The following ZNF670 variants were observed in gnomAD, a reference collection of about 807,000 sequenced individuals.
ZNF670 encodes the protein zinc finger protein 670.
In ZNF670, 7 loss-of-function variants were observed where a neutral mutation model predicts 10.9. The ratio of observed to expected loss-of-function variants is 0.64; its 90% CI spans 0.36 to 1.20. ZNF670 has a LOEUF of 1.20. Ranked by LOEUF, ZNF670 falls within the 50% of genes most tolerant of loss-of-function variation. The pLI, the probability that ZNF670 is intolerant of heterozygous loss-of-function variation, is 0.02. For missense variants in ZNF670, 446 were observed against 458.6 expected, an observed-to-expected ratio of 0.97 and a Z score of 0.25; for synonymous variants, 136 against 152.7, an observed-to-expected ratio of 0.89 and a Z score of 0.81.
chr1:247,064,248 C>A (rs1416767090), intron 1 of ZNF670, among the ~76,000 whole-genome samples: 1 of 152,220 alleles, frequency 6.6e-6, no homozygotes, highest in African/African-American at 2.4e-5. Flanking sequence ...CCTCCTTGAT[C>A]AGAGGACATG....
chr1:247,051,069 G>A (rs1451690301), intron 1 of ZNF670, among the ~76,000 whole-genome samples: 1 of 151,728 alleles, frequency 6.6e-6, no homozygotes, highest in Non-Finnish European at 1.5e-5. Context: ...AGCACTTTGG[G>A]AGGCCGAGGC....
chr1:247,039,591 G>A, intron 1 of ZNF670, 54 bp from the exon 2 acceptor site: 2 of 1,454,448 alleles, frequency 1.4e-6, no homozygotes, highest in Non-Finnish European at 1.8e-6. Context: ...ACAGTACTAA[G>A]AATCTATACT....
At chr1:247,052,772 T>C (rs1288287894) in intron 1 of ZNF670, among the ~76,000 whole-genome samples, 2 of 152,088 alleles carry the variant, frequency 1.3e-5, no homozygotes, top group African/African-American at 4.8e-5. Context: ...GCTGCAGTAA[T>C]ATAGGGGGAT....
Position 247,036,839 on chromosome 1 carries a change from C to CA in ZNF670, c.*609dup, listed in dbSNP as rs1197267140. 6.8e-6 allele frequency: 1 copy of CA among 146,992 alleles called. No individual in the cohort carries two copies. Among genetic ancestry groups the CA allele is most frequent in the Non-Finnish European group, 1.5e-5 (1 of 66,744 alleles). 9.1% of individuals were successfully genotyped at this position (146,992 alleles called of 1,614,324 possible). A position where few individuals can be genotyped will look rare whatever the true frequency, so the allele number is the denominator to read the frequency against. On this transcript the variant is annotated 3_prime_UTR_variant, in exon 4 of 4. Transcript: ENST00000366503. The stretch of plus-strand genomic sequence containing the variant: ...AGAAAACAGAAGAAAATCTTTACAA[C>CA]AAAAAAGTAGTTTTCCCATAAAAAG...
intron 1 of ZNF670, among the ~76,000 whole-genome samples, chr1:247,057,267 T>A (rs1186767794): frequency 6.6e-6 from 1 of 152,164 alleles, no homozygotes; most frequent in Non-Finnish European, 1.5e-5. Flanking sequence ...GTATCACTGA[T>A]CATCAGAGAA....
intron 1 of ZNF670, among the ~76,000 whole-genome samples, chr1:247,065,564 T>C (rs1670961542): frequency 1.3e-5 from 2 of 152,200 alleles, no homozygotes; most frequent in East Asian, 3.8e-4. Flanking sequence ...AAAAATATAT[T>C]TGCAGTCTTT....
chr1:247,047,241 G>A (rs1424570383), intron 1 of ZNF670, among the ~76,000 whole-genome samples: 2 of 152,206 alleles, frequency 1.3e-5, no homozygotes, highest in Admixed American at 1.3e-4. Flanking sequence ...AGCTTTGTGT[G>A]GGAATTCCAA....
intron 1 of ZNF670, among the ~76,000 whole-genome samples, chr1:247,068,858 T>C: frequency 7.3e-6 from 1 of 136,568 alleles, no homozygotes; most frequent in African/African-American, 2.9e-5. Context: ...AAGAATGAGA[T>C]CCAGTCGTTT....
At chr1:247,071,433 G>C (rs532717093) in intron 1 of ZNF670, among the ~76,000 whole-genome samples, 17 of 152,332 alleles carry the variant, frequency 1.1e-4, no homozygotes, top group African/African-American at 4.1e-4. Flanking sequence ...AGTACACACA[G>C]ACACAAAGAG....
In ZNF670 at chr1:247,069,999, G is replaced by T. The variant is rs1671078531; in HGVS notation, c.3+8595C>A. On this transcript the variant is annotated intron_variant, in intron 1 of 3. Coordinates refer to ENST00000366503, the MANE Select transcript of ZNF670 (RefSeq NM_033213.5). ...ACTTTAAAGCAACTAAGTATAATTG[G>T]ATTATTTGTAATACAAAGGGTAAAT... is the stretch of plus-strand genomic sequence containing the variant. Among the ~76,000 whole-genome samples the T allele has an allele frequency of 4.6e-5, 7 of 152,082 alleles. No homozygotes were observed. The South Asian group carries it at 1.4e-3, about 32-fold the overall frequency.
intron 1 of ZNF670, among the ~76,000 whole-genome samples, chr1:247,076,177 TCA>T (rs1158031014): frequency 6.6e-6 from 1 of 151,842 alleles, no homozygotes; most frequent in Non-Finnish European, 1.5e-5. Flanking sequence ...TTGGAGATCC[TCA>T]CAGGCCCATT....
chr1:247,038,890 G>C lies in ZNF670; in HGVS notation c.131-20C>G. 6.3e-7 allele frequency: 1 copy of C among 1,593,068 alleles called. No individual in the cohort carries two copies. Among genetic ancestry groups the C allele is most frequent in the South Asian group, 1.1e-5 (1 of 89,770 alleles). ...TGTTTCCTAAAAGGTACAACCATAA[G>C]ATTATTCAAATGATTAGAAACTTTA... On this transcript the variant is annotated intron_variant, in intron 2 of 3. Coordinates refer to ENST00000366503, the MANE Select transcript of ZNF670 (RefSeq NM_033213.5).
rs545681456 is a variant in ZNF670 at position 247,040,833 on chromosome 1, T to C, written c.4-1296A>G. ...GCCTCAGCCTCCCGAGTAGCTGAGA[T>C]TACAGGCATGTGTCACCACGCCCAG... is the stretch of plus-strand genomic sequence containing the variant. On this transcript the variant is annotated intron_variant, in intron 1 of 3. Coordinates refer to ENST00000366503, the MANE Select transcript of ZNF670 (RefSeq NM_033213.5). Among the ~76,000 whole-genome samples the C allele has an allele frequency of 1.1e-4, 16 of 152,220 alleles. No homozygotes were observed. The East Asian group carries it at 2.9e-3, about 28-fold the overall frequency.
chr1:247,050,480 CTTT>C (rs35338939), intron 1 of ZNF670, among the ~76,000 whole-genome samples: 3 of 142,714 alleles, frequency 2.1e-5, no homozygotes, highest in Non-Finnish European at 1.5e-5. Context: ...TTCTTTTCTT[CTTT>C]TTTTTTTTTT....
chr1:247,040,190 A>C (rs1344427503), intron 1 of ZNF670, among the ~76,000 whole-genome samples: 2 of 152,222 alleles, frequency 1.3e-5, no homozygotes, highest in African/African-American at 4.8e-5. Context: ...ATATGCTGTT[A>C]CAACTTGTTA....
chr1:247,038,431 TA>T lies in ZNF670; in HGVS notation c.192-5del. 1 of 1,593,126 alleles carries T rather than the reference TA, an allele frequency of 6.3e-7. No homozygotes were observed. The highest frequency in any genetic ancestry group is 8.5e-7 in the Non-Finnish European group (1 of 1,171,754). On this transcript the variant is annotated splice_polypyrimidine_tract_variant and splice_region_variant and intron_variant, in intron 3 of 3. Transcript: ENST00000366503. ...CAGTCTCTCTACCACATGACTGCTGTAAAAATGATAAACATCATTAATGGTA... is the reference window on the plus strand; with the variant it reads ...CAGTCTCTCTACCACATGACTGCTGTAAAATGATAAACATCATTAATGGTA...
chr1:247,072,685 G>A (rs1216050097), intron 1 of ZNF670, among the ~76,000 whole-genome samples: 5 of 150,746 alleles, frequency 3.3e-5, no homozygotes, highest in Admixed American at 6.6e-5. Context: ...TAGTTGGGAG[G>A]CTGAGGCAGG....
rs1470213423 is a variant in ZNF670 at position 247,036,822 on chromosome 1, G to T, written c.*627C>A. On this transcript the variant is annotated 3_prime_UTR_variant, in exon 4 of 4. Transcript: ENST00000366503. ...CAATTCTTTATTAGCAAAGAAAACA[G>T]AAGAAAATCTTTACAACAAAAAAGT... 6.7e-6 allele frequency: 1 copy of T among 148,802 alleles called. No individual in the cohort carries two copies. Among genetic ancestry groups the T allele is most frequent in the Non-Finnish European group, 1.5e-5 (1 of 67,288 alleles). The allele number at this position is 148,802 out of a possible 1,614,324, so 9.2% of individuals were successfully genotyped here.
chr1:247,062,178 C>A (rs1670874181), intron 1 of ZNF670, among the ~76,000 whole-genome samples: 1 of 152,004 alleles, frequency 6.6e-6, no homozygotes, highest in African/African-American at 2.4e-5. Flanking sequence ...TTGTAATTCG[C>A]CAATTTACGA....
Sources: allele counts gnomAD v4.1 joint callset (sites outside exome capture counted in the v4.1 genomes callset), GRCh38; gene constraint gnomAD v4.1.1; transcripts MANE v1.5; gene names NCBI Gene and HGNC (gene_info 2026-07-23, HGNC 2026-07-21).